The following CNTNAP2 variants were observed in gnomAD, a reference collection of about 807,000 sequenced individuals.
CNTNAP2 encodes the protein contactin-associated protein-like 2.
In CNTNAP2, 98 loss-of-function variants were observed where a neutral mutation model predicts 155.2. The ratio of observed to expected loss-of-function variants is 0.63; its 90% CI spans 0.54 to 0.75. CNTNAP2 has a LOEUF of 0.75. CNTNAP2 is among the 30% of genes least tolerant of loss of function. The pLI is 0.00. For missense variants in CNTNAP2, 1,727 were observed against 1,688.1 expected (o/e 1.02, Z -0.40); for synonymous variants, 651 against 631.2 (o/e 1.03, Z -0.47).
At chr7:148,286,074 G>A (rs1203716882) in intron 21 of CNTNAP2, among the ~76,000 whole-genome samples, 3 of 152,150 alleles carry the variant, frequency 2.0e-5, no homozygotes, top group Non-Finnish European at 2.9e-5. Flanking sequence ...AATGGAAGTG[G>A]AACATCATAA....
rs775076832 is a variant in CNTNAP2 at position 147,700,840 on chromosome 7, A to G, written c.2098+61534A>G. On this transcript the variant is annotated intron_variant, in intron 13 of 23. Coordinates refer to ENST00000361727, the MANE Select transcript of CNTNAP2 (RefSeq NM_014141.6). ...TTAGTATCATTTAGTATGTTTACTTATAACTATTACTCATCATTTGGCCCG... is the reference window on the plus strand; with the variant it reads ...TTAGTATCATTTAGTATGTTTACTTGTAACTATTACTCATCATTTGGCCCG... Among the ~76,000 whole-genome samples the G allele has an allele frequency of 4.6e-5, 7 of 152,166 alleles. No homozygotes were observed. The South Asian group carries it at 6.2e-4, about 14-fold the overall frequency.
At chr7:148,106,493 GAT>G (rs10532740) in intron 15 of CNTNAP2, among the ~76,000 whole-genome samples, 82,306 of 124,666 alleles carry the variant, frequency 0.66, 28,885 homozygotes, top group East Asian at 0.86. Flanking sequence ...CACACTTTGA[GAT>G]ATATATATAT....
chr7:146,347,698 T>C (rs1264923425), intron 1 of CNTNAP2, among the ~76,000 whole-genome samples: 1 of 152,146 alleles, frequency 6.6e-6, no homozygotes, highest in Non-Finnish European at 1.5e-5. Flanking sequence ...CCCAAATAGT[T>C]GGGATTACAG....
intron 1 of CNTNAP2, among the ~76,000 whole-genome samples, chr7:146,654,309 G>C (rs1799961414): frequency 6.6e-6 from 1 of 151,786 alleles, no homozygotes; most frequent in Admixed American, 6.6e-5. Context: ...TAGATGGCCT[G>C]GTATGCGTAG....
At chr7:146,540,358 TC>T (rs530879176) in intron 1 of CNTNAP2, among the ~76,000 whole-genome samples, 63 of 152,118 alleles carry the variant, frequency 4.1e-4, no homozygotes, top group Admixed American at 1.8e-3. Flanking sequence ...GTCCCAAACT[TC>T]CCAGATAAGG....
chr7:147,386,463 T>C (rs1796627653), intron 9 of CNTNAP2, among the ~76,000 whole-genome samples: 1 of 152,124 alleles, frequency 6.6e-6, no homozygotes, highest in African/African-American at 2.4e-5. Flanking sequence ...TGCTTAGAAA[T>C]TGCTTCTGCC....
intron 1 of CNTNAP2, among the ~76,000 whole-genome samples, chr7:146,743,281 G>A (rs984120412): frequency 6.6e-6 from 1 of 152,050 alleles, no homozygotes; most frequent in African/African-American, 2.4e-5. Context: ...CTATGACAAG[G>A]GACTTGAAAA....
intron 2 of CNTNAP2, among the ~76,000 whole-genome samples, chr7:146,837,367 A>G (rs939667569): frequency 1.3e-5 from 2 of 151,606 alleles, no homozygotes; most frequent in Non-Finnish European, 2.9e-5. Flanking sequence ...TAAATTTTCT[A>G]TTTCAGATGT....
intron 19 of CNTNAP2, among the ~76,000 whole-genome samples, chr7:148,219,887 A>C (rs1333976016): frequency 3.9e-5 from 6 of 152,108 alleles, no homozygotes; most frequent in Non-Finnish European, 8.8e-5. Context: ...AAAAAAGGAG[A>C]TCAAGATTTT....
At chr7:148,044,280 C>T (rs1004049290) in intron 15 of CNTNAP2, among the ~76,000 whole-genome samples, 7 of 149,706 alleles carry the variant, frequency 4.7e-5, no homozygotes, top group African/African-American at 9.9e-5. Context: ...GTTCCCGGGA[C>T]GTGGTTGTGG....
intron 11 of CNTNAP2, among the ~76,000 whole-genome samples, chr7:147,560,168 C>CAA (rs71183016): frequency 0.052 from 2,745 of 52,534 alleles, 212 homozygotes; most frequent in Non-Finnish European, 0.072. Context: ...AACTCCGTCT[C>CAA]AAAAAAAAAA....
chr7:146,620,305 T>A (rs1427891299), intron 1 of CNTNAP2, among the ~76,000 whole-genome samples: 1 of 152,136 alleles, frequency 6.6e-6, no homozygotes, highest in Non-Finnish European at 1.5e-5. Context: ...CCATGGAAGC[T>A]CATGGCTAAC....
chr7:147,174,253 T>C (rs1563102870), intron 8 of CNTNAP2, among the ~76,000 whole-genome samples: 1 of 152,152 alleles, frequency 6.6e-6, no homozygotes, highest in East Asian at 1.9e-4. Context: ...ACATATGTAA[T>C]TGTCTTTTCC....
intron 9 of CNTNAP2, among the ~76,000 whole-genome samples, chr7:147,363,269 A>T (rs1796174863): frequency 6.6e-6 from 1 of 152,188 alleles, no homozygotes; most frequent in African/African-American, 2.4e-5. Context: ...ACAAGCCGGA[A>T]TGCAGGCCCT....
At chr7:148,346,447 G>A (rs994655867) in intron 21 of CNTNAP2, among the ~76,000 whole-genome samples, 2 of 152,048 alleles carry the variant, frequency 1.3e-5, no homozygotes, top group African/African-American at 4.8e-5. Flanking sequence ...TATTAAGTTG[G>A]TGCAGTAATG....
chr7:146,842,544 A>G (rs561044404), intron 3 of CNTNAP2, among the ~76,000 whole-genome samples: 53 of 151,592 alleles, frequency 3.5e-4, no homozygotes, highest in Non-Finnish European at 7.4e-4. Context: ...AAGAGTTTTG[A>G]TTGACTCACG....
intron 1 of CNTNAP2, among the ~76,000 whole-genome samples, chr7:146,576,194 G>A (rs1232480112): frequency 6.6e-6 from 1 of 152,164 alleles, no homozygotes; most frequent in African/African-American, 2.4e-5. Flanking sequence ...CATGTGATAC[G>A]GTGATAAGAT....
chr7:147,299,021 A>G (rs1794891247), intron 8 of CNTNAP2, among the ~76,000 whole-genome samples: 1 of 152,090 alleles, frequency 6.6e-6, no homozygotes, highest in African/African-American at 2.4e-5. Context: ...GGACACCTTT[A>G]TTCGTTAGAG....
intron 13 of CNTNAP2, among the ~76,000 whole-genome samples, chr7:147,788,961 G>T (rs1797778461): frequency 7.6e-6 from 1 of 131,330 alleles, no homozygotes; most frequent in Non-Finnish European, 1.5e-5. Context: ...CTGGAGTAAA[G>T]TGGTGTGATC....
Sources: allele counts gnomAD v4.1 joint callset (sites outside exome capture counted in the v4.1 genomes callset), GRCh38; gene constraint gnomAD v4.1.1; transcripts MANE v1.5; gene names NCBI Gene and HGNC (gene_info 2026-07-23, HGNC 2026-07-21).